The following FAM114A1 variants were observed in gnomAD, a reference collection of about 807,000 sequenced individuals.
FAM114A1 encodes protein NOXP20.
In FAM114A1, 62 loss-of-function variants were observed where a neutral mutation model predicts 64.3. The observed-to-expected ratio is 0.96, with a 90% CI of 0.79 to 1.19. The LOEUF (loss-of-function observed/expected upper bound fraction) is 1.19. Ranked by LOEUF, FAM114A1 falls within the 50% of genes most tolerant of loss-of-function variation. The probability of loss-of-function intolerance (pLI) is 0.00; values close to 1 mark genes in which losing one functional copy is unlikely to be tolerated. For missense variants in FAM114A1, 645 were observed against 676.3 expected, an observed-to-expected ratio of 0.95 and a Z score of 0.51; for synonymous variants, 254 against 251.1, an observed-to-expected ratio of 1.01 and a Z score of -0.11.
chr4:38,902,152 G>A (rs564451942), intron 4 of FAM114A1, among the ~76,000 whole-genome samples: 108 of 152,230 alleles, frequency 7.1e-4, no homozygotes, highest in Middle Eastern at 3.4e-3. Flanking sequence ...GTCACTGATT[G>A]GCTTTAGGAC....
intron 4 of FAM114A1, among the ~76,000 whole-genome samples, chr4:38,900,225 T>A (rs574947937): frequency 0.022 from 3,266 of 147,022 alleles, 110 homozygotes; most frequent in African/African-American, 0.067. Context: ...ACGATTATTT[T>A]AAAAAAAAAA....
At chr4:38,925,609 A>G (rs9999294) in intron 9 of FAM114A1, among the ~76,000 whole-genome samples, 81,496 of 152,018 alleles carry the variant, frequency 0.54, 22,533 homozygotes, top group East Asian at 0.75. Flanking sequence ...ATTTAATATC[A>G]GTCTCCTCTG....
At chr4:38,875,994 G>A (rs1190830263) in intron 2 of FAM114A1, among the ~76,000 whole-genome samples, 1 of 152,012 alleles carries the variant, frequency 6.6e-6, no homozygotes, top group African/African-American at 2.4e-5. Flanking sequence ...TACCCTTTAA[G>A]TTTATCCTTG....
chr4:38,927,383 C>A lies in FAM114A1; in HGVS notation c.1070-1859C>A, dbSNP rs541738867. On this transcript the variant is annotated intron_variant, in intron 9 of 14. Transcript: ENST00000358869. ...CTGATCTCTGGTTCACAGCTGGTGT[C>A]TTCTAGCTGTGTCCTTACATGGTGG... Among the ~76,000 whole-genome samples the A allele has an allele frequency of 1.2e-4, 18 of 152,294 alleles. 1 individual carries two copies. In the East Asian group the frequency reaches 2.9e-3, roughly 25 times the overall value.
At chr4:38,901,933 T>C (rs977562935) in intron 4 of FAM114A1, among the ~76,000 whole-genome samples, 1 of 152,236 alleles carries the variant, frequency 6.6e-6, no homozygotes, top group African/African-American at 2.4e-5. Flanking sequence ...TTGGTCAAGG[T>C]AAGGTAAGTC....
chr4:38,900,960 G>A (rs1251674190), intron 4 of FAM114A1, among the ~76,000 whole-genome samples: 1 of 151,774 alleles, frequency 6.6e-6, no homozygotes, highest in African/African-American at 2.4e-5. Flanking sequence ...AAAAAAAATG[G>A]AGTAAAAATT....
At position 38,915,066 on chromosome 4, in the gene FAM114A1, A is replaced by G; in HGVS notation, c.938A>G (p.Glu313Gly). ...EALEILSNESESKVQSFLASL... is the reference protein window; with the variant it reads ...EALEILSNESGSKVQSFLASL... ...CTGGAAATTCTGTCCAATGAAAGCG[A>G]AAGCAAGGTACTTCTGCACTACTCG... The change falls in exon 8 of 15, where the codon GAA (glutamate) becomes GGA (glycine). Residue 313 changes from glutamate (E) to glycine (G), a missense_variant. Coordinates refer to ENST00000358869, the MANE Select transcript of FAM114A1 (RefSeq NM_138389.4). 6.2e-7 allele frequency: 1 copy of G among 1,614,144 alleles called. No individual in the cohort carries two copies. Among genetic ancestry groups the G allele is most frequent in the Non-Finnish European group, 8.5e-7 (1 of 1,180,002 alleles).
chr4:38,876,494 G>A (rs1714656101), intron 2 of FAM114A1, among the ~76,000 whole-genome samples: 1 of 151,966 alleles, frequency 6.6e-6, no homozygotes, highest in Admixed American at 6.6e-5. Context: ...TCTCATTATT[G>A]CTACAAATAT....
At chr4:38,922,392 C>T (rs1038872178) in intron 8 of FAM114A1, among the ~76,000 whole-genome samples, 37 of 152,208 alleles carry the variant, frequency 2.4e-4, no homozygotes, top group African/African-American at 8.4e-4. Flanking sequence ...AATAAGTTAC[C>T]GAAGGTCATA....
chr4:38,908,461 C>A, intron 6 of FAM114A1, 131 bp from the exon 7 acceptor site: 1 of 810,186 alleles, frequency 1.2e-6, no homozygotes, highest in East Asian at 2.7e-5. Context: ...GATAAATCTC[C>A]TGATGAGAAA....
chr4:38,886,273 G>A lies in FAM114A1; in HGVS notation c.349-5470G>A, dbSNP rs144674309. On this transcript the variant is annotated intron_variant, in intron 3 of 14. Transcript: ENST00000358869. ...TGCAACCTCCGCCTCCTGGGTTTAA[G>A]CGATTCTCCTGCCTCAGCCTCCCGA... Among the ~76,000 whole-genome samples the A allele has an allele frequency of 6.5e-3, 986 of 151,476 alleles. 14 individuals are homozygous for A. Among genetic ancestry groups the A allele is most frequent in the African/African-American group, 0.022 (904 of 41,218 alleles).
chr4:38,877,469 T>C (rs1039863106), intron 2 of FAM114A1, among the ~76,000 whole-genome samples: 1 of 152,144 alleles, frequency 6.6e-6, no homozygotes, highest in South Asian at 2.1e-4. Context: ...GAGAATCTAA[T>C]GCCACCACTG....
intron 4 of FAM114A1, among the ~76,000 whole-genome samples, chr4:38,900,947 CA>C (rs11330779): frequency 0.48 from 67,484 of 140,348 alleles, 15,441 homozygotes; most frequent in Middle Eastern, 0.64. Flanking sequence ...CATTTTACCA[CA>C]AAAAAAAAAT....
chr4:38,938,067 A>G lies in FAM114A1; in HGVS notation c.1536+2277A>G, dbSNP rs1178326131. Among the ~76,000 whole-genome samples, 5 of 152,142 alleles carry G rather than the reference A, an allele frequency of 3.3e-5. No homozygotes were observed. In the East Asian group the frequency reaches 9.6e-4, roughly 29 times the overall value. On this transcript the variant is annotated intron_variant, in intron 13 of 14. Coordinates refer to ENST00000358869, the MANE Select transcript of FAM114A1 (RefSeq NM_138389.4). ...ATACTTTCTCTAATGTGCTGCTATT[A>G]ATGTGACTCAGTGACAGCAGTTCCT...
intron 3 of FAM114A1, 25 bp downstream of exon 3, chr4:38,878,451 T>A: frequency 6.5e-7 from 1 of 1,543,582 alleles, no homozygotes; most frequent in Admixed American, 2.0e-5. Context: ...TTCAATTCAC[T>A]TCGGCCTAAG....
At chr4:38,941,076 C>A in intron 14 of FAM114A1, 55 bp downstream of exon 14, 1 of 1,236,014 alleles carries the variant, frequency 8.1e-7, no homozygotes, top group Non-Finnish European at 1.1e-6. Flanking sequence ...GTTAGAACTA[C>A]TTTTTTTTTT....
chr4:38,933,408 C>T (rs1308524347), intron 12 of FAM114A1, among the ~76,000 whole-genome samples: 1 of 152,200 alleles, frequency 6.6e-6, no homozygotes, highest in East Asian at 1.9e-4. Context: ...GGCAAATACA[C>T]TCCACTGCTC....
At chr4:38,926,442 C>G (rs1271174452) in intron 9 of FAM114A1, among the ~76,000 whole-genome samples, 1 of 151,330 alleles carries the variant, frequency 6.6e-6, no homozygotes, top group African/African-American at 2.4e-5. Flanking sequence ...CTAGCTCTGT[C>G]TCTCTCTCTC....
At chr4:38,880,167 AT>A (rs1478433700) in intron 3 of FAM114A1, among the ~76,000 whole-genome samples, 1 of 138,460 alleles carries the variant, frequency 7.2e-6, no homozygotes, top group Non-Finnish European at 1.6e-5. Flanking sequence ...ATAGAATAGA[AT>A]AGAATAGAAA....
Sources: gnomAD v4.1 joint callset for allele counts (sites outside exome capture counted in the v4.1 genomes callset) on GRCh38, gnomAD v4.1.1 for gene constraint, MANE v1.5 for transcripts, NCBI Gene and HGNC (gene_info 2026-07-23, HGNC 2026-07-21) for gene names.